NAALADL2: variants seen among roughly 807,000 people sequenced by gnomAD.
The protein encoded by NAALADL2 is N-acetylated alpha-linked acidic dipeptidase like 2.
A neutral mutation model predicts 87.2 loss-of-function variants in NAALADL2; 76 were observed. The observed-to-expected ratio is 0.87, with a 90% CI of 0.72 to 1.05. NAALADL2 has a LOEUF of 1.05. Among genes scored for constraint, NAALADL2 ranks in the 50% least tolerant of loss-of-function variants. The pLI is 0.00. For synonymous variants in NAALADL2, 354 were observed against 331.0 expected (o/e 1.07, Z -0.75); for missense variants, 1,089 against 945.8 (o/e 1.15, Z -1.99).
In NAALADL2 at chr3:175,133,035, A is replaced by G. The variant is rs552291226; in HGVS notation, c.545+35744A>G. ...TCGCAGCCAGGTAGAGGCACTCCCC[A>G]CATCCCAGACGGGGCGGCGGGGCAG... On this transcript the variant is annotated intron_variant, in intron 2 of 13. Transcript: ENST00000454872. 4.1e-3 allele frequency among the ~76,000 whole-genome samples: 598 copies of G among 144,876 alleles called. 8 individuals carry two copies. Among genetic ancestry groups the G allele is most frequent in the African/African-American group, 0.015 (575 of 37,970 alleles).
At chr3:175,705,153 C>T (rs751978080) in intron 11 of NAALADL2, among the ~76,000 whole-genome samples, 4 of 151,870 alleles carry the variant, frequency 2.6e-5, no homozygotes, top group Non-Finnish European at 2.9e-5. Flanking sequence ...AGAAGAAAGG[C>T]GATGGAATAA....
chr3:174,996,586 A>C (rs1467462445), intron 1 of NAALADL2, among the ~76,000 whole-genome samples: 1 of 151,844 alleles, frequency 6.6e-6, no homozygotes, highest in Non-Finnish European at 1.5e-5. Context: ...CTACTTCTTG[A>C]GTTGTATGCC....
At chr3:175,356,613 G>T (rs1003352871) in intron 5 of NAALADL2, among the ~76,000 whole-genome samples, 6 of 90,884 alleles carry the variant, frequency 6.6e-5, no homozygotes, top group Non-Finnish European at 1.2e-4. Context: ...TAATAATAAA[G>T]AAATAAAAGA....
intron 5 of NAALADL2, among the ~76,000 whole-genome samples, chr3:175,415,073 A>G (rs910017316): frequency 1.3e-5 from 2 of 152,196 alleles, no homozygotes; most frequent in African/African-American, 4.8e-5. Context: ...CTGTCTATAT[A>G]TCTGAGTAAA....
In NAALADL2 at chr3:174,546,615, C is replaced by T. The variant is rs114605194; in HGVS notation, c.-183-3954C>T. ...TGCTAATTCAGATACACTTCTTTTA[C>T]CCTTTTTCTGTCTTGTGACAGGTGT... On this transcript the variant is annotated intron_variant, in intron 1 of 3. Coordinates refer to the NAALADL2 transcript ENST00000434257. Among the ~76,000 whole-genome samples the T allele has an allele frequency of 4.8e-3, 732 of 152,206 alleles. 4 individuals carry two copies. The highest frequency in any genetic ancestry group is 0.015 in the African/African-American group (618 of 41,552).
intron 11 of NAALADL2, among the ~76,000 whole-genome samples, chr3:175,628,189 G>A (rs989051602): frequency 8.6e-5 from 13 of 151,738 alleles, no homozygotes; most frequent in East Asian, 3.9e-4. Context: ...TTTCAGTGCC[G>A]TATTCGACAA....
intron 5 of NAALADL2, among the ~76,000 whole-genome samples, chr3:175,359,737 A>G (rs1310816139): frequency 6.6e-6 from 1 of 152,154 alleles, no homozygotes; most frequent in Non-Finnish European, 1.5e-5. Flanking sequence ...TATATGGAAT[A>G]GAGATATATC....
intron 2 of NAALADL2, among the ~76,000 whole-genome samples, chr3:174,671,785 T>A (rs1032887840): frequency 1.3e-5 from 2 of 152,072 alleles, no homozygotes; most frequent in African/African-American, 4.8e-5. Flanking sequence ...CTGCTTTTGG[T>A]GCTGCAAACT....
chr3:175,328,954 G>C (rs929827892), intron 5 of NAALADL2, among the ~76,000 whole-genome samples: 1 of 152,176 alleles, frequency 6.6e-6, no homozygotes, highest in African/African-American at 2.4e-5. Context: ...TCAGCAGTAA[G>C]ATTGTCTGAA....
At chr3:174,882,564 T>C (rs559637226) in intron 1 of NAALADL2, among the ~76,000 whole-genome samples, 3 of 146,932 alleles carry the variant, frequency 2.0e-5, no homozygotes, top group African/African-American at 7.9e-5. Context: ...TATGTGTATA[T>C]ATACATATGT....
chr3:175,414,710 T>C (rs553408286), intron 5 of NAALADL2, among the ~76,000 whole-genome samples: 1 of 152,276 alleles, frequency 6.6e-6, no homozygotes, highest in East Asian at 1.9e-4. Context: ...TAAGAGCCAA[T>C]AGGTGCAGAC....
At chr3:175,214,973 A>G (rs1206489444) in intron 2 of NAALADL2, among the ~76,000 whole-genome samples, 1 of 152,154 alleles carries the variant, frequency 6.6e-6, no homozygotes, top group African/African-American at 2.4e-5. Context: ...CTAATTCACT[A>G]CATGTTTATG....
intron 1 of NAALADL2, among the ~76,000 whole-genome samples, chr3:174,941,096 G>A (rs945204917): frequency 1.3e-5 from 2 of 151,904 alleles, no homozygotes; most frequent in South Asian, 2.1e-4. Context: ...TTGATGTTAG[G>A]TTGTTAATTT....
At chr3:175,263,164 A>G (rs1168807464) in intron 4 of NAALADL2, among the ~76,000 whole-genome samples, 1 of 151,886 alleles carries the variant, frequency 6.6e-6, no homozygotes, top group East Asian at 1.9e-4. Flanking sequence ...AAATCAGACT[A>G]CTTTCTGTTT....
chr3:174,713,778 C>T (rs374009039), intron 2 of NAALADL2, among the ~76,000 whole-genome samples: 46 of 151,554 alleles, frequency 3.0e-4, no homozygotes, highest in Non-Finnish European at 5.6e-4. Context: ...GTAGTTTCTT[C>T]TGCTGTGCAG....
At chr3:174,630,614 C>A (rs554262928) in intron 2 of NAALADL2, among the ~76,000 whole-genome samples, 74 of 152,124 alleles carry the variant, frequency 4.9e-4, no homozygotes, top group Non-Finnish European at 7.1e-4. Context: ...TTGACTTATT[C>A]CAAATTTATT....
chr3:174,791,447 T>C (rs28521793), intron 3 of NAALADL2, among the ~76,000 whole-genome samples: 66,607 of 152,006 alleles, frequency 0.44, 14,699 homozygotes, highest in Admixed American at 0.46. Context: ...TATGAACACA[T>C]AAACAGGCCC....
chr3:174,499,883 G>A (rs941333547), intron 1 of NAALADL2, among the ~76,000 whole-genome samples: 8 of 151,666 alleles, frequency 5.3e-5, no homozygotes, highest in Non-Finnish European at 7.4e-5. Context: ...TTTGTTCTTC[G>A]TTTTCAGTTA....
intron 2 of NAALADL2, among the ~76,000 whole-genome samples, chr3:174,643,423 G>T (rs906130922): frequency 1.7e-4 from 26 of 152,122 alleles, no homozygotes; most frequent in African/African-American, 6.3e-4. Context: ...GGAGGCTGAA[G>T]CCAGCAGATC....
Sources: gnomAD v4.1 joint callset for allele counts (sites outside exome capture counted in the v4.1 genomes callset) on GRCh38, gnomAD v4.1.1 for gene constraint, MANE v1.5 for transcripts, NCBI Gene and HGNC (gene_info 2026-07-23, HGNC 2026-07-21) for gene names.